MYO18A: variants seen among roughly 807,000 people sequenced by gnomAD.
The protein encoded by MYO18A is myosin XVIIIA.
In MYO18A, 78 loss-of-function variants were observed where a neutral mutation model predicts 235.8. The ratio of observed to expected loss-of-function variants is 0.33; its 90% confidence interval spans 0.28 to 0.40. MYO18A has a LOEUF of 0.40. Among genes scored for constraint, MYO18A ranks in the 10% least tolerant of loss-of-function variants. MYO18A has a pLI of 1.00. For missense variants in MYO18A, 2,215 were observed against 2,699.3 expected (o/e 0.82, Z 3.98); for synonymous variants, 977 against 1,077.8 (o/e 0.91, Z 1.83).
intron 40 of MYO18A, among the ~76,000 whole-genome samples, chr17:29,084,128 C>G (rs924209438): frequency 6.6e-6 from 1 of 152,120 alleles, no homozygotes; most frequent in African/African-American, 2.4e-5. Flanking sequence ...TGCCATCAGC[C>G]GGAACCTGGT....
chr17:29,154,746 C>T (rs1411247172), intron 2 of MYO18A, among the ~76,000 whole-genome samples: 1 of 152,226 alleles, frequency 6.6e-6, no homozygotes, highest in East Asian at 1.9e-4. Context: ...GTGCCAGGCA[C>T]ACTAGCTCCC....
chr17:29,165,828 T>C, intron 2 of MYO18A, 114 bp downstream of exon 2: 10 of 1,025,338 alleles, frequency 9.8e-6, no homozygotes, highest in Non-Finnish European at 1.4e-5. Flanking sequence ...GCTTCCCCAC[T>C]TACACACTGC....
chr17:29,106,097 A>G lies in MYO18A; in HGVS notation c.3441+983T>C, dbSNP rs1010606033. Reference sequence around the variant, plus strand: ...GCGGGTGTCCTGAGGGGAAGAGAGGAGTGGGACCAGCAGGCACGAGGCTGT... The same window carrying G: ...GCGGGTGTCCTGAGGGGAAGAGAGGGGTGGGACCAGCAGGCACGAGGCTGT... On this transcript the variant is annotated intron_variant, in intron 20 of 41. Coordinates refer to ENST00000527372, the MANE Select transcript of MYO18A (RefSeq NM_078471.4). The surrounding 1 kb of genome is among the most constrained non-coding windows in gnomAD (Gnocchi z 4.6). Among the ~76,000 whole-genome samples, 4 of 152,138 alleles carry G rather than the reference A, an allele frequency of 2.6e-5. No homozygotes were observed. The highest frequency in any genetic ancestry group is 7.2e-5 in the African/African-American group (3 of 41,412).
intron 1 of MYO18A, among the ~76,000 whole-genome samples, chr17:29,178,192 C>T (rs1302772352): frequency 6.6e-6 from 1 of 152,142 alleles, no homozygotes; most frequent in Non-Finnish European, 1.5e-5. Flanking sequence ...GCTGAGAGAC[C>T]AGGTGGGAGT....
chr17:29,101,748 G>A (rs139301963), intron 21 of MYO18A, among the ~76,000 whole-genome samples: 1 of 152,182 alleles, frequency 6.6e-6, no homozygotes. Context: ...GTGCTGGAGT[G>A]GGGGGTGGAT....
At chr17:29,116,628 C>A (rs548857495) in intron 10 of MYO18A, among the ~76,000 whole-genome samples, 173 bp from the exon 11 acceptor site, 5 of 149,054 alleles carry the variant, frequency 3.4e-5, no homozygotes, top group African/African-American at 9.9e-5. Context: ...CACACACAGT[C>A]TCCAGGGAGT....
rs562568691 is a variant in MYO18A at position 29,166,320 on chromosome 17, C to G, written c.621G>C (p.Leu207=). 6.2e-7 allele frequency: 1 copy of G among 1,612,454 alleles called. No individual in the cohort carries two copies. The highest frequency in any genetic ancestry group is 1.1e-5 in the South Asian group (1 of 91,086). ...VTKKFPVDLR[L]PPVVPLPPPT... is the part of the protein sequence containing the mutation. ...GTGGGGGCAGGGGCACCACGGGGGG[C>G]AGGCGCAGGTCGACTGGGAACTTTT... The change falls in exon 2 of 42, where the codon CTG becomes CTC. Residue 207 remains leucine, a synonymous_variant. Coordinates refer to ENST00000527372, the MANE Select transcript of MYO18A (RefSeq NM_078471.4).
At chr17:29,090,487 T>C (rs757944199) in intron 36 of MYO18A, 45 bp downstream of exon 36, 39 of 1,525,578 alleles carry the variant, frequency 2.6e-5, no homozygotes, top group African/African-American at 1.5e-4. Flanking sequence ...CCACACCTAG[T>C]GACCCTGGCA....
In MYO18A at chr17:29,121,787, G is replaced by T; in HGVS notation, c.1194+64C>A. 6.2e-7 allele frequency: 1 copy of T among 1,608,560 alleles called. No homozygotes were observed. Among genetic ancestry groups the T allele is most frequent in the Middle Eastern group, 1.7e-4 (1 of 6,038 alleles). On this transcript the variant is annotated intron_variant, in intron 4 of 41. Coordinates refer to ENST00000527372, the MANE Select transcript of MYO18A (RefSeq NM_078471.4). This position sits in a 1 kb window ranked among gnomAD's most constrained non-coding sequence, Gnocchi z 4.2. ...GAGCCCATCTCCGCTGCCAGAGGAT[G>T]GGCCTGCCCTGCCCAGTGCACTCCT...
intron 2 of MYO18A, among the ~76,000 whole-genome samples, chr17:29,123,422 C>T (rs1305391187): frequency 1.3e-5 from 2 of 152,230 alleles, no homozygotes; most frequent in East Asian, 3.8e-4. Flanking sequence ...TGGACACTGG[C>T]TGGGTCCTGA....
At chr17:29,161,355 CA>C (rs1175565325) in intron 2 of MYO18A, among the ~76,000 whole-genome samples, 3,633 of 50,344 alleles carry the variant, frequency 0.072, 34 homozygotes, top group African/African-American at 0.12. Flanking sequence ...AACTCCATGT[CA>C]AAAAAAAAAA....
rs570711333 is a variant in MYO18A, at chr17:29,115,276, G to A, written c.2318+75C>T. On this transcript the variant is annotated intron_variant, in intron 13 of 41. Coordinates refer to ENST00000527372, the MANE Select transcript of MYO18A (RefSeq NM_078471.4). The stretch of plus-strand genomic sequence containing the variant: ...TGCTGGAAGAGACCGGCTCTGCCTC[G>A]GCCAACAAGGCATGAAGGCATCTAC... The A allele has an allele frequency of 4.3e-5, 67 of 1,543,554 alleles. No individual in the cohort carries two copies. The African/African-American group carries it at 4.6e-4, about 11-fold the overall frequency.
chr17:29,143,727 A>T (rs1247541924), intron 2 of MYO18A, among the ~76,000 whole-genome samples: 1 of 152,194 alleles, frequency 6.6e-6, no homozygotes, highest in Non-Finnish European at 1.5e-5. Flanking sequence ...CTGCTTCCTT[A>T]AGTACAACAC....
chr17:29,134,668 G>A (rs981134519), intron 2 of MYO18A, among the ~76,000 whole-genome samples: 8 of 151,964 alleles, frequency 5.3e-5, no homozygotes, highest in African/African-American at 1.7e-4. Context: ...GATTACAGGC[G>A]CCCGCTACCA....
rs770408063 is a variant in MYO18A, at chr17:29,166,497, C to G, written c.444G>C (p.Glu148Asp). Residue 148 changes from glutamate to aspartate, a missense_variant, in exon 2 of 42, where the codon GAG (glutamate) becomes GAC (aspartate). Physicochemically the swap from Glu to Asp is conservative, Grantham distance 45. Transcript: ENST00000527372. The part of the protein sequence containing the change: ...RFSFSQRSRD[E>D]SASETSTPSE... The stretch of plus-strand genomic sequence containing the variant: ...AGGGCGTCGAGGTTTCTGAGGCGCT[C>G]TCATCCCGGCTACGCTGGGAGAAGG... The G allele has an allele frequency of 1.9e-6, 3 of 1,613,636 alleles. No homozygotes were observed. The highest frequency in any genetic ancestry group is 2.2e-5 in the East Asian group (1 of 44,882).
chr17:29,110,373 C>A lies in MYO18A; in HGVS notation c.3087+63G>T. The A allele has an allele frequency of 3.3e-6, 5 of 1,494,848 alleles. 1 individual carries two copies. The South Asian group carries it at 4.0e-5, about 12-fold the overall frequency. The allele number at this position is 1,494,848 out of a possible 1,614,324, so 92.6% of individuals were successfully genotyped here. A position where few individuals can be genotyped will look rare whatever the true frequency, so the allele number is the denominator to read the frequency against. On this transcript the variant is annotated intron_variant, in intron 18 of 41. Coordinates refer to ENST00000527372, the MANE Select transcript of MYO18A (RefSeq NM_078471.4). ...CCTCAGTGTGCTCGGAGTCCCCAGGCCTGCCTACCAGGGGTAAGGAAGGGT... is the reference window on the plus strand; with the variant it reads ...CCTCAGTGTGCTCGGAGTCCCCAGGACTGCCTACCAGGGGTAAGGAAGGGT...
intron 30 of MYO18A, chr17:29,094,357 ACTTGGTGG>A (rs2066470668): frequency 3.3e-6 from 2 of 598,494 alleles, no homozygotes; most frequent in Non-Finnish European, 5.9e-6. Flanking sequence ...CCCTGAACTG[ACTTGGTGG>A]CTGGGTAGCA....
chr17:29,115,948 C>T (rs1163776462), intron 11 of MYO18A, 108 bp from the exon 12 acceptor site: 5 of 1,239,574 alleles, frequency 4.0e-6, no homozygotes, highest in Non-Finnish European at 5.6e-6. Flanking sequence ...AAAAGCCAGC[C>T]CTGATGACAC....
intron 1 of MYO18A, among the ~76,000 whole-genome samples, chr17:29,179,878 C>T (rs1473028881): frequency 6.6e-6 from 1 of 152,076 alleles, no homozygotes; most frequent in African/African-American, 2.4e-5. Context: ...TCCCCGCTGC[C>T]TTCCTCAGCG....
Sources: gnomAD v4.1 joint callset for allele counts (sites outside exome capture counted in the v4.1 genomes callset) on GRCh38, gnomAD v4.1.1 for gene constraint, Gnocchi (gnomAD v3.1) non-coding constraint, MANE v1.5 for transcripts, NCBI Gene and HGNC (gene_info 2026-07-23, HGNC 2026-07-21) for gene names.